The following LCP2 variants were observed in gnomAD, a reference collection of about 807,000 sequenced individuals.
The protein encoded by LCP2 is lymphocyte cytosolic protein 2.
A neutral mutation model predicts 74.5 loss-of-function variants in LCP2; 29 were observed. The observed-to-expected ratio is 0.39, with a 90% CI of 0.29 to 0.53. The LOEUF is 0.53. Ranked by LOEUF, LCP2 falls within the 20% of genes least tolerant of loss-of-function variation. The pLI is 0.72. For synonymous variants in LCP2, 228 were observed against 229.5 expected (o/e 0.99, Z 0.06); for missense variants, 604 against 634.6 (o/e 0.95, Z 0.52).
chr5:170,288,141 C>A, intron 2 of LCP2, 125 bp from the exon 3 acceptor site: 1 of 938,784 alleles, frequency 1.1e-6, no homozygotes, highest in Admixed American at 2.0e-5. Context: ...GAGGAGAAAC[C>A]GCCCTGCCCA....
chr5:170,291,014 GAGAA>G (rs1234023252), intron 2 of LCP2, among the ~76,000 whole-genome samples: 9 of 143,924 alleles, frequency 6.3e-5, no homozygotes, highest in East Asian at 2.0e-4. Flanking sequence ...GAAAGAAAGA[GAGAA>G]AGAAAGAGAG....
chr5:170,293,211 G>C lies in LCP2; in HGVS notation c.141+99C>G. 3 of 1,166,924 alleles carry C rather than the reference G, an allele frequency of 2.6e-6. No homozygotes were observed. The South Asian group carries it at 4.0e-5, about 15-fold the overall frequency. The allele number at this position is 1,166,924 out of a possible 1,614,324, so 72.3% of individuals were successfully genotyped here. A position where few individuals can be genotyped will look rare whatever the true frequency, so the allele number is the denominator to read the frequency against. On this transcript the variant is annotated intron_variant, in intron 2 of 20. Coordinates refer to ENST00000046794, the MANE Select transcript of LCP2 (RefSeq NM_005565.5). ...TTCTGGAAAAAGCAAAGGGATCCTC[G>C]GGTGTCCCCAGGGAAAGGGTAGGCC... is the stretch of plus-strand genomic sequence containing the variant.
At chr5:170,289,721 TC>T (rs1762255023) in intron 2 of LCP2, among the ~76,000 whole-genome samples, 1 of 145,962 alleles carries the variant, frequency 6.9e-6, no homozygotes, top group East Asian at 2.0e-4. Context: ...TTCTTTCCTT[TC>T]CTTTCCTTTC....
At chr5:170,255,251 TAGTG>T (rs1479290547) in intron 17 of LCP2, among the ~76,000 whole-genome samples, 1 of 152,184 alleles carries the variant, frequency 6.6e-6, no homozygotes, top group Admixed American at 6.5e-5. Context: ...ATTGAAAACT[TAGTG>T]GGTGCCACTG....
intron 14 of LCP2, among the ~76,000 whole-genome samples, chr5:170,260,781 G>A (rs1761636232): frequency 6.6e-6 from 1 of 152,208 alleles, no homozygotes; most frequent in Admixed American, 6.5e-5. Context: ...ATTTAGGCAT[G>A]GTCCAAACTT....
At chr5:170,271,048 T>A in intron 6 of LCP2, 131 bp from the exon 7 acceptor site, 1 of 727,474 alleles carries the variant, frequency 1.4e-6, no homozygotes, top group Non-Finnish European at 2.2e-6. Flanking sequence ...AGATGGTTAC[T>A]CCCATTTTAC....
chr5:170,249,554 G>A (rs1219972456), intron 20 of LCP2, among the ~76,000 whole-genome samples: 1 of 152,002 alleles, frequency 6.6e-6, no homozygotes, highest in Non-Finnish European at 1.5e-5. Flanking sequence ...AATAGTGTTA[G>A]GAAACATAAG....
chr5:170,252,564 G>A (rs750980920), intron 18 of LCP2, 53 bp from the exon 19 acceptor site: 87 of 911,316 alleles, frequency 9.5e-5, no homozygotes, highest in Non-Finnish European at 1.0e-4. Flanking sequence ...ACAGATGTAA[G>A]TGAAAAGAAA....
intron 17 of LCP2, 89 bp from the exon 18 acceptor site, chr5:170,253,302 CA>C (rs141527769): frequency 2.4e-5 from 19 of 800,728 alleles, no homozygotes; most frequent in Non-Finnish European, 2.8e-5. Context: ...CCCACTCCCC[CA>C]AAAAAATACC....
chr5:170,275,830 G>A lies in LCP2; in HGVS notation c.219C>T (p.Asn73=), dbSNP rs948264568. 7 of 1,579,148 alleles carry A rather than the reference G, an allele frequency of 4.4e-6. No homozygotes were observed. Among genetic ancestry groups the A allele is most frequent in the Non-Finnish European group, 5.2e-6 (6 of 1,160,058 alleles). The change falls in exon 4 of 21, where the codon AAC becomes AAT. Residue 73 remains asparagine (N), a synonymous_variant. Coordinates refer to ENST00000046794, the MANE Select transcript of LCP2 (RefSeq NM_005565.5). ...AGATGCTCCTCCTCTCTTCGTTCTT[G>A]TTGATTTCCTGACTTAACTTACTGA... ...PILSKLSQEI[N]KNEERRSIFT...
chr5:170,293,343 C>T lies in LCP2; in HGVS notation c.108G>A (p.Val36=). Residue 36 remains valine, a synonymous_variant, in exon 2 of 21, where the codon GTG becomes GTA. Transcript: ENST00000046794. Reference sequence around the variant, plus strand: ...GAGCCCCATCGATGTGGTACTTCTTCACTGCCTTCTCACAGTCCTTATAGT... The same window carrying T: ...GAGCCCCATCGATGTGGTACTTCTTTACTGCCTTCTCACAGTCCTTATAGT... ...KLNYKDCEKA[V]KKYHIDGARF... 1 of 1,605,862 alleles carries T rather than the reference C, an allele frequency of 6.2e-7. No homozygotes were observed. Among genetic ancestry groups the T allele is most frequent in the Middle Eastern group, 1.7e-4 (1 of 6,056 alleles).
chr5:170,284,585 A>T lies in LCP2; in HGVS notation c.188+3385T>A, dbSNP rs148372721. 2.0e-3 allele frequency among the ~76,000 whole-genome samples: 296 copies of T among 151,032 alleles called. 3 individuals carry two copies. In the East Asian group the frequency reaches 0.042, roughly 21 times the overall value. ...ATTTGGGGTTTGTTGAGCCTCTTGG[A>T]TCTGTGGGTTTATAATTTTCATCCA... is the stretch of plus-strand genomic sequence containing the variant. On this transcript the variant is annotated intron_variant, in intron 3 of 20. Transcript: ENST00000046794.
chr5:170,287,890 A>T (rs1305267158), intron 3 of LCP2, 80 bp downstream of exon 3: 3 of 1,314,208 alleles, frequency 2.3e-6, no homozygotes, highest in Non-Finnish European at 3.3e-6. Flanking sequence ...ATGACATAGA[A>T]CTGACCCAGC....
Position 170,256,630 on chromosome 5 carries a change from C to T in LCP2, c.1101-55G>A. ...TTTGGATTGGGGTGATGGGGCCAGA[C>T]AGGGGAGCTGGGTTAGGGAAGCCAG... On this transcript the variant is annotated intron_variant, in intron 16 of 20. Coordinates refer to ENST00000046794, the MANE Select transcript of LCP2 (RefSeq NM_005565.5). The surrounding 1 kb of genome is among the most constrained non-coding windows in gnomAD (Gnocchi z 4.5). 7.7e-7 allele frequency: 1 copy of T among 1,297,796 alleles called. No homozygotes were observed. The allele number at this position is 1,297,796 out of a possible 1,614,324, so 80.4% of individuals were successfully genotyped here. A position where few individuals can be genotyped will look rare whatever the true frequency, so the allele number is the denominator to read the frequency against.
At chr5:170,287,894 A>G in intron 3 of LCP2, 76 bp downstream of exon 3, 1 of 1,345,382 alleles carries the variant, frequency 7.4e-7, no homozygotes. Flanking sequence ...CATAGAACTG[A>G]CCCAGCCCCC....
intron 16 of LCP2, among the ~76,000 whole-genome samples, chr5:170,257,080 C>T (rs985222671): frequency 4.6e-5 from 7 of 152,050 alleles, no homozygotes; most frequent in Admixed American, 3.3e-4. Flanking sequence ...GGTGGGGAGG[C>T]GGGCCCAGAG....
At chr5:170,257,511 G>A (rs914306676) in intron 16 of LCP2, among the ~76,000 whole-genome samples, 2 of 152,152 alleles carry the variant, frequency 1.3e-5, no homozygotes, top group Admixed American at 6.5e-5. Context: ...CCGTGGGCTT[G>A]TTTGGGGACA....
At chr5:170,252,985 T>C (rs1022253877) in intron 18 of LCP2, 134 bp downstream of exon 18, 2 of 624,008 alleles carry the variant, frequency 3.2e-6, no homozygotes, top group Non-Finnish European at 5.6e-6. Flanking sequence ...ATCTTCTCCT[T>C]TAACTTTTTT....
At chr5:170,289,504 C>A (rs1055205818) in intron 2 of LCP2, among the ~76,000 whole-genome samples, 3 of 152,164 alleles carry the variant, frequency 2.0e-5, no homozygotes, top group Non-Finnish European at 4.4e-5. Flanking sequence ...GCTGATCAGA[C>A]CACCTGCGGC....
Sources: gnomAD v4.1 joint callset for allele counts (sites outside exome capture counted in the v4.1 genomes callset) on GRCh38, gnomAD v4.1.1 for gene constraint, Gnocchi (gnomAD v3.1) non-coding constraint, MANE v1.5 for transcripts, NCBI Gene and HGNC (gene_info 2026-07-23, HGNC 2026-07-21) for gene names.